The following CSNK1G3 variants were observed in gnomAD, a reference collection of about 807,000 sequenced individuals.
The protein encoded by CSNK1G3 is casein kinase 1 gamma 3.
Under a neutral mutation model 64.3 loss-of-function variants are expected in CSNK1G3, and 23 were observed. The ratio of observed to expected loss-of-function variants is 0.36; its 90% CI spans 0.26 to 0.51. The LOEUF is 0.51. CSNK1G3 is among the 20% of genes least tolerant of loss of function. The pLI is 0.96. For missense variants in CSNK1G3, 357 were observed against 510.5 expected, an observed-to-expected ratio of 0.70 and a Z score of 2.90; for synonymous variants, 158 against 162.2, an observed-to-expected ratio of 0.97 and a Z score of 0.20.
At chr5:123,548,615 A>G (rs1783030091) in intron 2 of CSNK1G3, among the ~76,000 whole-genome samples, 1 of 152,024 alleles carries the variant, frequency 6.6e-6, no homozygotes, top group Non-Finnish European at 1.5e-5. Context: ...ATGAACAGTC[A>G]GGTGTGGTGG....
chr5:123,528,398 A>C (rs540736093), intron 1 of CSNK1G3, among the ~76,000 whole-genome samples: 8 of 152,272 alleles, frequency 5.3e-5, no homozygotes, highest in African/African-American at 1.9e-4. Flanking sequence ...TCATTTATTC[A>C]CTTATTTATT....
chr5:123,522,775 G>GTCC (rs1778354807), intron 1 of CSNK1G3, among the ~76,000 whole-genome samples: 1 of 152,196 alleles, frequency 6.6e-6, no homozygotes, highest in South Asian at 2.1e-4. Flanking sequence ...ATCCAAGGAT[G>GTCC]AGGAGCCCAT....
chr5:123,569,077 A>G (rs557240879), intron 4 of CSNK1G3, among the ~76,000 whole-genome samples: 1 of 152,334 alleles, frequency 6.6e-6, no homozygotes, highest in East Asian at 1.9e-4. Flanking sequence ...GAGTTGGTGG[A>G]TTTTTAGGTA....
chr5:123,553,524 C>G (rs947104199), intron 3 of CSNK1G3, among the ~76,000 whole-genome samples: 3 of 152,142 alleles, frequency 2.0e-5, no homozygotes, highest in Non-Finnish European at 4.4e-5. Flanking sequence ...GGATTATATT[C>G]TTTGAAAACA....
At chr5:123,571,765 A>G (rs1788155903) in intron 4 of CSNK1G3, among the ~76,000 whole-genome samples, 2 of 143,378 alleles carry the variant, frequency 1.4e-5, no homozygotes, top group Admixed American at 1.4e-4. Context: ...CTTTCAATAT[A>G]CTGAAAAAAA....
At chr5:123,596,508 C>G (rs1793469673) in intron 10 of CSNK1G3, among the ~76,000 whole-genome samples, 1 of 152,044 alleles carries the variant, frequency 6.6e-6, no homozygotes. Flanking sequence ...GTACCATTAC[C>G]AGATTTATTT....
chr5:123,546,074 A>G, intron 2 of CSNK1G3: 1 of 414,426 alleles, frequency 2.4e-6, no homozygotes, highest in Non-Finnish European at 4.4e-6. Context: ...AGATTATGAG[A>G]AAACAAACAA....
chr5:123,571,934 G>T (rs1788192654), intron 4 of CSNK1G3, among the ~76,000 whole-genome samples: 1 of 152,200 alleles, frequency 6.6e-6, no homozygotes, highest in Non-Finnish European at 1.5e-5. Context: ...GGGAATATAT[G>T]TGAGTATATT....
At chr5:123,588,639 T>C (rs1292390554) in intron 8 of CSNK1G3, 128 bp downstream of exon 8, 1 of 674,288 alleles carries the variant, frequency 1.5e-6, no homozygotes, top group East Asian at 2.8e-5. Context: ...ATTTAAAGGT[T>C]GTCAGCATTT....
At chr5:123,566,801 T>C (rs1786974056) in intron 4 of CSNK1G3, among the ~76,000 whole-genome samples, 1 of 152,112 alleles carries the variant, frequency 6.6e-6, no homozygotes, top group South Asian at 2.1e-4. Flanking sequence ...TTTTCCTGAT[T>C]GCAAAAATAG....
At chr5:123,567,186 C>G (rs1424577119) in intron 4 of CSNK1G3, among the ~76,000 whole-genome samples, 2 of 152,168 alleles carry the variant, frequency 1.3e-5, no homozygotes. Context: ...AAGACCCAGT[C>G]CCATAATTCA....
At chr5:123,532,480 A>C (rs917303800) in intron 1 of CSNK1G3, among the ~76,000 whole-genome samples, 1 of 151,920 alleles carries the variant, frequency 6.6e-6, no homozygotes. Context: ...AGAAAATAAC[A>C]GTATTCTTTT....
chr5:123,516,646 A>T, intron 1 of CSNK1G3, among the ~76,000 whole-genome samples: 1 of 152,204 alleles, frequency 6.6e-6, no homozygotes, highest in East Asian at 1.9e-4. Context: ...TGGGGAGATA[A>T]GACACACTTT....
chr5:123,573,558 A>T lies in CSNK1G3; in HGVS notation c.438+17A>T, dbSNP rs1354700624. ...ATACAACTGGTAAGTAAAATAAGGTATTTGAAGTTGTTTGAACAATTACAT... is the reference window on the plus strand; with the variant it reads ...ATACAACTGGTAAGTAAAATAAGGTTTTTGAAGTTGTTTGAACAATTACAT... On this transcript the variant is annotated intron_variant, in intron 5 of 12. Transcript: ENST00000345990. 1.3e-6 allele frequency: 2 copies of T among 1,572,094 alleles called. No homozygotes were observed. Among genetic ancestry groups the T allele is most frequent in the South Asian group, 1.2e-5 (1 of 83,750 alleles).
At chr5:123,592,971 A>G (rs1228651943) in intron 10 of CSNK1G3, among the ~76,000 whole-genome samples, 2 of 151,950 alleles carry the variant, frequency 1.3e-5, no homozygotes. Context: ...TGTACTTGGA[A>G]GAAGATTAAT....
chr5:123,576,303 A>G (rs1257863829), intron 6 of CSNK1G3, among the ~76,000 whole-genome samples: 2 of 152,156 alleles, frequency 1.3e-5, no homozygotes, highest in Admixed American at 6.5e-5. Context: ...AATTCAGTAC[A>G]TGTGGAAATT....
chr5:123,590,259 G>T (rs1445222709), intron 8 of CSNK1G3, 151 bp from the exon 9 acceptor site: 23 of 362,100 alleles, frequency 6.4e-5, no homozygotes, highest in Admixed American at 5.2e-4. Context: ...TTTTTATTTT[G>T]TTGTAATTAA....
At chr5:123,521,131 T>A (rs1778023354) in intron 1 of CSNK1G3, among the ~76,000 whole-genome samples, 1 of 152,086 alleles carries the variant, frequency 6.6e-6, no homozygotes. Flanking sequence ...TAGGTGTCAG[T>A]TTTAGATGAC....
At chr5:123,538,507 AT>A (rs1362346509) in intron 1 of CSNK1G3, among the ~76,000 whole-genome samples, 2 of 152,148 alleles carry the variant, frequency 1.3e-5, no homozygotes, top group African/African-American at 2.4e-5. Flanking sequence ...TCGTTTCTAT[AT>A]TTAAAAAAAT....
Sources: gnomAD v4.1 joint callset for allele counts (sites outside exome capture counted in the v4.1 genomes callset) on GRCh38, gnomAD v4.1.1 for gene constraint, MANE v1.5 for transcripts, NCBI Gene and HGNC (gene_info 2026-07-23, HGNC 2026-07-21) for gene names.